Variants in XKR9 observed in about 807,000 individuals in gnomAD.
XKR9 encodes XK-related protein 9.
In XKR9, 32 loss-of-function variants were observed where a neutral mutation model predicts 32.0. The ratio of observed to expected loss-of-function variants is 1.00; its 90% CI spans 0.76 to 1.34. The LOEUF is 1.34. XKR9 is among the 40% of genes most tolerant of loss of function. XKR9 has a pLI of 0.00. For synonymous variants in XKR9, 168 were observed against 143.4 expected (o/e 1.17, Z -1.22); for missense variants, 546 against 429.7 (o/e 1.27, Z -2.39).
the XKR9 span, among the ~76,000 whole-genome samples, chr8:70,816,390 A>G: frequency 6.6e-6 from 1 of 152,204 alleles, no homozygotes; most frequent in African/African-American, 2.4e-5. Context: ...TCCCATGACT[A>G]TCTGCCCAAA....
At chr8:70,828,223 T>C in the XKR9 span, among the ~76,000 whole-genome samples, 1 of 152,002 alleles carries the variant, frequency 6.6e-6, no homozygotes, top group South Asian at 2.1e-4. Context: ...AAACAGCACA[T>C]TGTTTGGTTT....
At chr8:70,775,264 A>G (rs1807503803) in intron 2 of XKR9, among the ~76,000 whole-genome samples, 1 of 152,048 alleles carries the variant, frequency 6.6e-6, no homozygotes. Context: ...ATGTCTTGCA[A>G]ATTAAGACAA....
chr8:70,833,327 A>G, the XKR9 span, among the ~76,000 whole-genome samples: 2 of 152,204 alleles, frequency 1.3e-5, no homozygotes, highest in African/African-American at 4.8e-5. Flanking sequence ...ATGTCATAGC[A>G]ATCACTATGA....
At chr8:70,771,976 C>T (rs1208223220) in intron 2 of XKR9, among the ~76,000 whole-genome samples, 1 of 152,012 alleles carries the variant, frequency 6.6e-6, no homozygotes, top group Non-Finnish European at 1.5e-5. Flanking sequence ...TTTAGATAAA[C>T]AAAATAAAAC....
At chr8:70,691,766 G>A (rs188908752) in intron 3 of XKR9, among the ~76,000 whole-genome samples, 6 of 152,118 alleles carry the variant, frequency 3.9e-5, no homozygotes, top group African/African-American at 1.2e-4. Flanking sequence ...TGTTCCATTG[G>A]TCTGTGTGTC....
intron 2 of XKR9, among the ~76,000 whole-genome samples, chr8:70,748,571 T>C (rs1295669105): frequency 6.6e-6 from 1 of 152,138 alleles, no homozygotes; most frequent in African/African-American, 2.4e-5. Context: ...GGGCTGAGGG[T>C]GGCTCTGTGC....
In XKR9 at chr8:70,734,714, C is replaced by T. The variant is rs1303697273; in HGVS notation, c.*290C>T. The T allele has an allele frequency of 9.2e-6, 2 of 217,516 alleles. No individual in the cohort carries two copies. Among genetic ancestry groups the T allele is most frequent in the Non-Finnish European group, 1.8e-5 (2 of 113,298 alleles). The allele number at this position is 217,516 out of a possible 1,614,324, so 13.5% of individuals were successfully genotyped here. On this transcript the variant is annotated 3_prime_UTR_variant, in exon 5 of 5. Transcript: ENST00000408926. ...AATGAGAAGGCTGGAATTGAGCTTC[C>T]CTCCCATTTTCCTTGTTCCTGAACT...
chr8:70,998,568 A>C, the XKR9 span, among the ~76,000 whole-genome samples: 1 of 152,184 alleles, frequency 6.6e-6, no homozygotes, highest in Non-Finnish European at 1.5e-5. Context: ...TTTTTCTTTA[A>C]GGGACTGGAG....
chr8:70,980,104 A>T, the XKR9 span, among the ~76,000 whole-genome samples: 1 of 152,218 alleles, frequency 6.6e-6, no homozygotes, highest in Admixed American at 6.5e-5. Context: ...GCCATTTGCT[A>T]AGACCATTGA....
rs1563418246 is a variant in XKR9 at position 70,681,150 on chromosome 8, G to C, written c.92G>C (p.Arg31Thr). ...DLIVDIWVSV[R>T]FFHEGQYVFS... Reference sequence around the variant, plus strand: ...ATTGTGGACATATGGGTATCTGTCAGATTTTTCCATGAAGGACAGTATGTT... The same window carrying C: ...ATTGTGGACATATGGGTATCTGTCACATTTTTCCATGAAGGACAGTATGTT... Residue 31 changes from arginine to threonine, a missense_variant, in exon 3 of 5, where the codon AGA becomes ACA. Physicochemically the swap from Arg to Thr is moderately conservative, Grantham distance 71. Transcript: ENST00000408926. The C allele has an allele frequency of 1.3e-5, 21 of 1,613,532 alleles. No individual in the cohort carries two copies. The highest frequency in any genetic ancestry group is 1.6e-5 in the Non-Finnish European group (19 of 1,179,588).
At chr8:71,035,225 T>C in the XKR9 span, among the ~76,000 whole-genome samples, 1 of 152,204 alleles carries the variant, frequency 6.6e-6, no homozygotes, top group Non-Finnish European at 1.5e-5. Flanking sequence ...ATTGAAGAAC[T>C]AATGTATGCT....
the XKR9 span, among the ~76,000 whole-genome samples, chr8:70,807,437 C>A: frequency 3.9e-4 from 59 of 152,204 alleles, no homozygotes; most frequent in African/African-American, 1.3e-3. Flanking sequence ...TGTAAATGGG[C>A]TAAACGGCCC....
At chr8:70,851,710 T>C in the XKR9 span, among the ~76,000 whole-genome samples, 1 of 152,208 alleles carries the variant, frequency 6.6e-6, no homozygotes, top group African/African-American at 2.4e-5. Context: ...TGAATGGTGC[T>C]GGGAAAACTG....
the XKR9 span, among the ~76,000 whole-genome samples, chr8:70,937,860 A>T: frequency 2.0e-5 from 3 of 152,064 alleles, no homozygotes; most frequent in East Asian, 5.8e-4. Flanking sequence ...ATCTCTATTT[A>T]GATCTACCAT....
chr8:70,959,061 A>G, the XKR9 span, among the ~76,000 whole-genome samples: 1 of 152,118 alleles, frequency 6.6e-6, no homozygotes, highest in Non-Finnish European at 1.5e-5. Flanking sequence ...TTAAGTATAC[A>G]CTTTAAAATG....
At chr8:71,058,073 C>G in the XKR9 span, among the ~76,000 whole-genome samples, 1 of 151,660 alleles carries the variant, frequency 6.6e-6, no homozygotes, top group Non-Finnish European at 1.5e-5. Context: ...CCCAACTACT[C>G]GAGAGGCTGA....
At chr8:70,830,782 A>G in the XKR9 span, among the ~76,000 whole-genome samples, 1 of 152,214 alleles carries the variant, frequency 6.6e-6, no homozygotes, top group Non-Finnish European at 1.5e-5. Flanking sequence ...TTATGAAGTA[A>G]TAAAAGGAAG....
chr8:70,948,895 T>C, the XKR9 span, among the ~76,000 whole-genome samples: 1 of 152,188 alleles, frequency 6.6e-6, no homozygotes, highest in Non-Finnish European at 1.5e-5. Flanking sequence ...TGAAAACACA[T>C]GATAGTTTTC....
chr8:70,962,250 G>T, the XKR9 span, among the ~76,000 whole-genome samples: 5 of 151,618 alleles, frequency 3.3e-5, no homozygotes, highest in Admixed American at 3.3e-4. Flanking sequence ...TAGATTCAGG[G>T]GGTATTTATG....
Sources: allele counts gnomAD v4.1 joint callset (sites outside exome capture counted in the v4.1 genomes callset), GRCh38; gene constraint gnomAD v4.1.1; transcripts MANE v1.5; gene names NCBI Gene and HGNC (gene_info 2026-07-23, HGNC 2026-07-21).